SSH2: variants seen among roughly 807,000 people sequenced by gnomAD.
SSH2 encodes slingshot protein phosphatase 2.
Under a neutral mutation model 135.2 loss-of-function variants are expected in SSH2, and 37 were observed. The ratio of observed to expected loss-of-function variants is 0.27; its 90% confidence interval spans 0.21 to 0.36. The LOEUF is 0.36. Ranked by LOEUF, SSH2 falls within the 10% of genes least tolerant of loss-of-function variation. The pLI, the probability that SSH2 is intolerant of heterozygous loss-of-function variation, is 1.00. For missense variants in SSH2, 1,408 were observed against 1,765.3 expected, an observed-to-expected ratio of 0.80 and a Z score of 3.63; for synonymous variants, 628 against 646.2, an observed-to-expected ratio of 0.97 and a Z score of 0.43.
intron 7 of SSH2, 48 bp from the exon 8 acceptor site, chr17:29,676,933 T>G: frequency 6.6e-7 from 1 of 1,522,668 alleles, no homozygotes; most frequent in Non-Finnish European, 9.1e-7. Flanking sequence ...TAGGGTAGGT[T>G]ATTTGAATTG....
chr17:29,658,867 C>CAAAAAA (rs541052752), intron 11 of SSH2, among the ~76,000 whole-genome samples: 11 of 33,390 alleles, frequency 3.3e-4, no homozygotes, highest in Admixed American at 6.1e-4. Context: ...AACTCCGTCT[C>CAAAAAA]AAAAAAAAAA....
At chr17:29,639,613 A>G (rs945820870) in intron 14 of SSH2, 2 of 151,892 alleles carry the variant, frequency 1.3e-5, no homozygotes, top group African/African-American at 4.8e-5. Context: ...GAGCAGGTCA[A>G]TCTTTTTATG....
intron 1 of SSH2, among the ~76,000 whole-genome samples, chr17:29,882,633 T>G (rs1399575285): frequency 2.1e-5 from 3 of 141,846 alleles, no homozygotes; most frequent in Admixed American, 7.4e-5. Context: ...GCACCTCTAA[T>G]CCCAGCTACT....
At chr17:29,673,364 G>A (rs1320571722) in intron 8 of SSH2, among the ~76,000 whole-genome samples, 1 of 151,994 alleles carries the variant, frequency 6.6e-6, no homozygotes, top group Non-Finnish European at 1.5e-5. Flanking sequence ...GAGGTCAGGA[G>A]ATCGAGATCA....
intron 8 of SSH2, 124 bp downstream of exon 8, chr17:29,676,696 G>A (rs1348705743): frequency 6.6e-6 from 5 of 755,266 alleles, no homozygotes; most frequent in Middle Eastern, 2.5e-4. Context: ...CTTTAACTAC[G>A]ATGGTTATAC....
At chr17:29,791,294 C>T (rs757185072) in intron 3 of SSH2, among the ~76,000 whole-genome samples, 13 of 152,040 alleles carry the variant, frequency 8.6e-5, no homozygotes, top group Non-Finnish European at 1.8e-4. Context: ...CCATGTTGGC[C>T]AGGTTGCTCT....
At chr17:29,929,895 G>T in intron 1 of SSH2, 43 bp downstream of exon 1, 1 of 1,532,568 alleles carries the variant, frequency 6.5e-7, no homozygotes, top group African/African-American at 1.4e-5. Context: ...AAGCGGAGCC[G>T]CAGTGACAGA....
intron 3 of SSH2, among the ~76,000 whole-genome samples, chr17:29,713,303 C>G (rs2039507151): frequency 6.6e-6 from 1 of 152,178 alleles, no homozygotes; most frequent in Non-Finnish European, 1.5e-5. Context: ...CCACTGCACT[C>G]CAGCCTGGGC....
In SSH2 at chr17:29,659,631, C is replaced by T. The variant is rs1598739899; in HGVS notation, c.1033-4024G>A. The stretch of plus-strand genomic sequence containing the variant: ...CTCCACCTCCCGGGTTCATGCCATT[C>T]TCCTGCCTCAGCTTCTCGAGTAGCT... On this transcript the variant is annotated intron_variant, in intron 11 of 15. Coordinates refer to ENST00000540801, the MANE Select transcript of SSH2 (RefSeq NM_001282129.2). Among the ~76,000 whole-genome samples the T allele has an allele frequency of 2.0e-5, 3 of 152,316 alleles. 1 individual carries two copies. The South Asian group carries it at 6.2e-4, about 32-fold the overall frequency.
intron 1 of SSH2, among the ~76,000 whole-genome samples, chr17:29,877,930 A>T (rs1455845301): frequency 1.3e-5 from 2 of 152,040 alleles, no homozygotes; most frequent in South Asian, 2.1e-4. Flanking sequence ...AAAAAAAATT[A>T]AAAAATTAGC....
chr17:29,925,587 C>T, intron 1 of SSH2: 1 of 397,784 alleles, frequency 2.5e-6, no homozygotes, highest in Non-Finnish European at 4.4e-6. Flanking sequence ...ATTAGCTGGG[C>T]AGTCCCAGAT....
At chr17:29,848,985 A>C in intron 1 of SSH2, 56 bp from the exon 2 acceptor site, 1 of 1,210,418 alleles carries the variant, frequency 8.3e-7, no homozygotes, top group Non-Finnish European at 1.2e-6. Context: ...CATAAGCACG[A>C]GGGGAAAAGC....
intron 3 of SSH2, among the ~76,000 whole-genome samples, chr17:29,726,777 G>A (rs2040015780): frequency 6.6e-6 from 1 of 152,146 alleles, no homozygotes; most frequent in Non-Finnish European, 1.5e-5. Context: ...AAAATTGCAA[G>A]GCTTTGAGTC....
chr17:29,639,086 A>G (rs572208231), intron 14 of SSH2, among the ~76,000 whole-genome samples: 1 of 152,316 alleles, frequency 6.6e-6, no homozygotes, highest in South Asian at 2.1e-4. Context: ...GGAACAGCAT[A>G]AAGGATAGGC....
Position 29,926,630 on chromosome 17 carries a change from T to A in SSH2, c.63+3308A>T, listed in dbSNP as rs112702771. Among the ~76,000 whole-genome samples, 677 of 152,018 alleles carry A rather than the reference T, an allele frequency of 4.5e-3. 3 individuals are homozygous for A. Among genetic ancestry groups the A allele is most frequent in the Non-Finnish European group, 8.0e-3 (547 of 67,952 alleles). On this transcript the variant is annotated intron_variant, in intron 1 of 15. Transcript: ENST00000540801. ...AACCTCAGCAGACTCTCCACTACCT[T>A]CTCCATCAAGTTCAAACTCCAAACT... is the stretch of plus-strand genomic sequence containing the variant.
At chr17:29,701,593 T>C (rs1281484271) in intron 4 of SSH2, among the ~76,000 whole-genome samples, 2 of 151,664 alleles carry the variant, frequency 1.3e-5, no homozygotes, top group Non-Finnish European at 2.9e-5. Flanking sequence ...TTTTTTGAAG[T>C]GGAGTCTTGC....
At chr17:29,917,708 A>G (rs1396425165) in intron 1 of SSH2, among the ~76,000 whole-genome samples, 1 of 152,208 alleles carries the variant, frequency 6.6e-6, no homozygotes, top group Admixed American at 6.5e-5. Flanking sequence ...ACAAAAAATT[A>G]GCAAGGCATG....
In SSH2 at chr17:29,636,258, A is replaced by G. The variant is rs917672906; in HGVS notation, c.1972T>C (p.Ser658Pro). Reference sequence around the variant, plus strand: ...TGGCAACTGGGTTGGGGGCTTGGTGACTCAGGATCAGGGGACATGGGGGGG... The same window carrying G: ...TGGCAACTGGGTTGGGGGCTTGGTGGCTCAGGATCAGGGGACATGGGGGGG... ...KDPPMSPDPE[S>P]PSPQPSCQTE... Residue 658 changes from serine (S) to proline (P), a missense_variant, in exon 15 of 16, where the codon TCA becomes CCA. Ser to Pro is a moderately conservative substitution (Grantham distance 74, BLOSUM62 -1). Around this residue, in one of 3 missense-constraint regions of SSH2, gnomAD observed 1,080 missense variants for 1,144.5 expected, o/e 0.94. Coordinates refer to ENST00000540801, the MANE Select transcript of SSH2 (RefSeq NM_001282129.2). 32 of 1,613,720 alleles carry G rather than the reference A, an allele frequency of 2.0e-5. No individual in the cohort carries two copies. Among genetic ancestry groups the G allele is most frequent in the Non-Finnish European group, 2.6e-5 (31 of 1,179,966 alleles).
At chr17:29,735,715 A>T (rs1367069792) in intron 3 of SSH2, among the ~76,000 whole-genome samples, 1 of 150,078 alleles carries the variant, frequency 6.7e-6, no homozygotes, top group Non-Finnish European at 1.5e-5. Context: ...AAAAAAAAAA[A>T]GTAAGTAAAG....
Sources: allele counts gnomAD v4.1 joint callset (sites outside exome capture counted in the v4.1 genomes callset), GRCh38; gene constraint gnomAD v4.1.1; regional missense constraint gnomAD v4.1.1; transcripts MANE v1.5; gene names NCBI Gene and HGNC (gene_info 2026-07-23, HGNC 2026-07-21).